UMAD1: variants seen among roughly 807,000 people sequenced by gnomAD.
UMAD1 encodes UBAP1-MVB12-associated (UMA) domain containing 1, also known as UBAP1-MVB12-associated (UMA)-domain containing protein 1.
A neutral mutation model predicts 6.1 loss-of-function variants in UMAD1; 8 were observed. The ratio of observed to expected loss-of-function variants is 1.30; its 90% confidence interval spans 0.76 to 2.35. The LOEUF (loss-of-function observed/expected upper bound fraction) is 2.35. Ranked by LOEUF, UMAD1 falls within the 30% of genes most tolerant of loss-of-function variation. The pLI is 0.00. For synonymous variants in UMAD1, 56 were observed against 31.4 expected (o/e 1.78, Z -2.61); for missense variants, 130 against 78.4 (o/e 1.66, Z -2.49).
chr7:7,641,036 G>A (rs1340309481), intron 1 of UMAD1: 2 of 152,804 alleles, frequency 1.3e-5, no homozygotes, highest in Non-Finnish European at 2.9e-5. Context: ...TGGCGTCGGG[G>A]TTGTGATACC....
chr7:7,712,927 T>C (rs1780803360), intron 2 of UMAD1, among the ~76,000 whole-genome samples: 2 of 152,208 alleles, frequency 1.3e-5, no homozygotes, highest in Non-Finnish European at 2.9e-5. Flanking sequence ...AAAAATTATC[T>C]TGGCCTCGTG....
At chr7:7,663,521 G>T (rs1402849439) in intron 1 of UMAD1, among the ~76,000 whole-genome samples, 2 of 152,106 alleles carry the variant, frequency 1.3e-5, no homozygotes, top group African/African-American at 4.8e-5. Context: ...AAAACAGGGG[G>T]AGAGTCTTTA....
At chr7:7,684,689 C>A (rs28915971) in intron 2 of UMAD1, among the ~76,000 whole-genome samples, 5 of 152,218 alleles carry the variant, frequency 3.3e-5, no homozygotes, top group Admixed American at 3.3e-4. Context: ...TCCAACTGAT[C>A]TATGACTCTT....
rs59221325 is a variant in UMAD1, at chr7:7,796,244, C to CTTTTTTTTTTTTTTTTTTTT, written c.83-5421_83-5402dup. On this transcript the variant is annotated intron_variant, in intron 2 of 3. Transcript: ENST00000682710. ...ACTTTGACCCATTTCTATTTTCTTT[C>CTTTTTTTTTTTTTTTTTTTT]TTTTTTTTTTTTTTTTTTTTTTTTG... Among the ~76,000 whole-genome samples, 78 of 63,940 alleles carry CTTTTTTTTTTTTTTTTTTTT rather than the reference C, an allele frequency of 1.2e-3. 13 individuals are homozygous for CTTTTTTTTTTTTTTTTTTTT. Among genetic ancestry groups the CTTTTTTTTTTTTTTTTTTTT allele is most frequent in the African/African-American group, 7.2e-3 (74 of 10,238 alleles). The allele number at this position is 63,940 out of a possible 152,430, so 41.9% of individuals were successfully genotyped here.
At chr7:7,712,521 A>G (rs1780791415) in intron 2 of UMAD1, among the ~76,000 whole-genome samples, 1 of 152,180 alleles carries the variant, frequency 6.6e-6, no homozygotes, top group African/African-American at 2.4e-5. Flanking sequence ...GCATAGAAAC[A>G]TGTAGCTGAT....
intron 1 of UMAD1, among the ~76,000 whole-genome samples, chr7:7,649,169 A>AG (rs1026876262): frequency 6.4e-5 from 9 of 140,878 alleles, no homozygotes; most frequent in Middle Eastern, 3.5e-3. Context: ...AAAAAAAAAA[A>AG]AAAAAAAAAA....
chr7:7,742,568 GA>G, intron 2 of UMAD1: 1 of 518,248 alleles, frequency 1.9e-6, no homozygotes. Flanking sequence ...GCCATCTTGT[GA>G]AAAGGGTCAG....
chr7:7,721,823 G>A (rs1393714627), intron 2 of UMAD1, among the ~76,000 whole-genome samples: 3 of 152,188 alleles, frequency 2.0e-5, no homozygotes, highest in Non-Finnish European at 4.4e-5. Context: ...GATCCTGGGT[G>A]TGTCTGTGTG....
chr7:7,741,525 C>T (rs1029184985), intron 2 of UMAD1, among the ~76,000 whole-genome samples: 4 of 149,986 alleles, frequency 2.7e-5, no homozygotes, highest in Admixed American at 1.3e-4. Context: ...TGCAGTGAGC[C>T]GAGATCACAT....
chr7:7,692,983 A>G (rs1458114066), intron 2 of UMAD1, among the ~76,000 whole-genome samples: 1 of 152,210 alleles, frequency 6.6e-6, no homozygotes, highest in Non-Finnish European at 1.5e-5. Context: ...AAATAGCTGT[A>G]GGAGGAAAAA....
intron 1 of UMAD1, among the ~76,000 whole-genome samples, chr7:7,647,669 G>A (rs1043433234): frequency 9.2e-5 from 14 of 152,212 alleles, no homozygotes; most frequent in Admixed American, 2.6e-4. Context: ...CTGCAGTGGC[G>A]TGATTGTGGT....
At chr7:7,844,952 C>G (rs955060948) in intron 3 of UMAD1, among the ~76,000 whole-genome samples, 9 of 152,060 alleles carry the variant, frequency 5.9e-5, no homozygotes, top group Admixed American at 1.3e-4. Context: ...CTGTTTAGTA[C>G]AAAAGAATCC....
intron 3 of UMAD1, among the ~76,000 whole-genome samples, chr7:7,874,188 A>G (rs10255964): frequency 0.29 from 43,840 of 152,008 alleles, 6,553 homozygotes; most frequent in East Asian, 0.49. Flanking sequence ...TCCATCAGCA[A>G]ATTGTGTTCC....
At position 7,761,600 on chromosome 7, in the gene UMAD1, A is replaced by G. The variant is rs552223558; in HGVS notation, c.83-40070A>G. On this transcript the variant is annotated intron_variant, in intron 2 of 3. Transcript: ENST00000682710. ...ATTTCTTATTAAAAGGAAAAGGAAG[A>G]AATCTCAAGTTTGGATGGTAGGGAG... 3.3e-5 allele frequency among the ~76,000 whole-genome samples: 5 copies of G among 152,360 alleles called. No homozygotes were observed. The East Asian group carries it at 5.8e-4, about 18-fold the overall frequency.
intron 2 of UMAD1, chr7:7,741,834 A>C (rs537492018): frequency 1.0e-5 from 2 of 196,280 alleles, no homozygotes; most frequent in African/African-American, 4.8e-5. Flanking sequence ...AAAAGGCTTT[A>C]AGTCAACTTA....
At chr7:7,815,361 G>A (rs918922037) in intron 3 of UMAD1, among the ~76,000 whole-genome samples, 12 of 152,038 alleles carry the variant, frequency 7.9e-5, no homozygotes, top group African/African-American at 2.4e-4. Flanking sequence ...TTTTTAGATT[G>A]GAAGGAAATT....
At chr7:7,678,602 T>C (rs1211312847) in intron 2 of UMAD1, among the ~76,000 whole-genome samples, 3 of 134,440 alleles carry the variant, frequency 2.2e-5, no homozygotes, top group South Asian at 2.2e-4. Context: ...ATACTTAATT[T>C]ATAGATAAAT....
chr7:7,719,963 A>G (rs1781010688), intron 2 of UMAD1, among the ~76,000 whole-genome samples: 1 of 152,198 alleles, frequency 6.6e-6, no homozygotes, highest in African/African-American at 2.4e-5. Flanking sequence ...ATAAGTACTC[A>G]GTTTGACTTG....
At chr7:7,771,676 T>A (rs1164825635) in intron 2 of UMAD1, among the ~76,000 whole-genome samples, 1 of 152,214 alleles carries the variant, frequency 6.6e-6, no homozygotes, top group Non-Finnish European at 1.5e-5. Flanking sequence ...CTACAAACAA[T>A]CTTCTTAAGG....
Sources: gnomAD v4.1 joint callset for allele counts (sites outside exome capture counted in the v4.1 genomes callset) on GRCh38, gnomAD v4.1.1 for gene constraint, MANE v1.5 for transcripts, NCBI Gene and HGNC (gene_info 2026-07-23, HGNC 2026-07-21) for gene names.